COX10: variants seen among roughly 807,000 people sequenced by gnomAD.
The protein encoded by COX10 is cytochrome c oxidase assembly factor heme A:farnesyltransferase COX10, also known as protoheme IX farnesyltransferase, mitochondrial.
A neutral mutation model predicts 37.3 loss-of-function variants in COX10; 27 were observed. That is an observed-to-expected ratio of 0.72 (90% CI 0.53 to 1.00). COX10 has a LOEUF of 1.00. Among genes scored for constraint, COX10 ranks in the 50% least tolerant of loss-of-function variants. The probability of loss-of-function intolerance (pLI) is 0.00; values close to 1 mark genes in which losing one functional copy is unlikely to be tolerated. For missense variants in COX10, 475 were observed against 563.2 expected (o/e 0.84, Z 1.59); for synonymous variants, 222 against 229.1 (o/e 0.97, Z 0.28).
At chr17:14,161,926 C>T (rs1905177798) in intron 5 of COX10, among the ~76,000 whole-genome samples, 1 of 152,212 alleles carries the variant, frequency 6.6e-6, no homozygotes, top group African/African-American at 2.4e-5. Flanking sequence ...TATCTATATA[C>T]ACATCCTATT....
At chr17:14,097,949 T>C (rs1915686055) in intron 3 of COX10, among the ~76,000 whole-genome samples, 1 of 152,160 alleles carries the variant, frequency 6.6e-6, no homozygotes, top group Non-Finnish European at 1.5e-5. Flanking sequence ...CGTACTGTAT[T>C]GTTTACAGAA....
intron 5 of COX10, among the ~76,000 whole-genome samples, chr17:14,163,603 G>C (rs1224657463): frequency 2.0e-5 from 3 of 152,096 alleles, no homozygotes; most frequent in Non-Finnish European, 4.4e-5. Context: ...TCAAATCATA[G>C]AAGAGTTTCA....
At chr17:14,153,726 TATATG>T (rs1306225111) in intron 4 of COX10, among the ~76,000 whole-genome samples, 1 of 152,218 alleles carries the variant, frequency 6.6e-6, no homozygotes, top group Non-Finnish European at 1.5e-5. Flanking sequence ...ACACCTCAAC[TATATG>T]ATATATGTGT....
chr17:14,203,891 G>A (rs982492106), intron 6 of COX10, among the ~76,000 whole-genome samples: 2 of 152,128 alleles, frequency 1.3e-5, no homozygotes, highest in African/African-American at 4.8e-5. Context: ...TGGGCAGGAT[G>A]GTGCTTTCCA....
intron 5 of COX10, among the ~76,000 whole-genome samples, chr17:14,164,932 GA>G (rs1227010979): frequency 6.6e-6 from 1 of 152,156 alleles, no homozygotes; most frequent in Non-Finnish European, 1.5e-5. Flanking sequence ...AATATGGGCT[GA>G]AGGTCAAATG....
chr17:14,166,143 C>A (rs970789357), intron 5 of COX10, among the ~76,000 whole-genome samples: 1 of 152,196 alleles, frequency 6.6e-6, no homozygotes, highest in Non-Finnish European at 1.5e-5. Context: ...GGTGGCCACA[C>A]TGAACAATAG....
chr17:14,162,376 A>G (rs1426224979), intron 5 of COX10, among the ~76,000 whole-genome samples: 3 of 152,176 alleles, frequency 2.0e-5, no homozygotes, highest in African/African-American at 7.2e-5. Flanking sequence ...TTTGCCTTCA[A>G]AAAAATGCCC....
chr17:14,135,476 T>C (rs1458135666), intron 4 of COX10, among the ~76,000 whole-genome samples: 1 of 151,834 alleles, frequency 6.6e-6, no homozygotes, highest in African/African-American at 2.4e-5. Flanking sequence ...TTGTCTCCAC[T>C]CCCGGATATT....
intron 4 of COX10, among the ~76,000 whole-genome samples, chr17:14,121,882 CG>C (rs1301291873): frequency 1.3e-5 from 2 of 151,890 alleles, no homozygotes; most frequent in Non-Finnish European, 2.9e-5. Context: ...GGATTTTAGT[CG>C]AAGAAATAAC....
At chr17:14,073,768 G>A (rs1366230292) in intron 1 of COX10, among the ~76,000 whole-genome samples, 1 of 152,124 alleles carries the variant, frequency 6.6e-6, no homozygotes, top group East Asian at 1.9e-4. Context: ...AGAAGCATTG[G>A]ATTTGTTGAT....
At chr17:14,106,777 G>GT (rs937209582) in intron 4 of COX10, among the ~76,000 whole-genome samples, 1 of 152,052 alleles carries the variant, frequency 6.6e-6, no homozygotes, top group African/African-American at 2.4e-5. Flanking sequence ...CCATTTAGGG[G>GT]TTTTTTGGTC....
intron 5 of COX10, among the ~76,000 whole-genome samples, chr17:14,167,809 T>A (rs1905334553): frequency 6.6e-6 from 1 of 152,078 alleles, no homozygotes. Flanking sequence ...TCCCAGCAGG[T>A]CCCTCCCTCG....
chr17:14,143,868 T>A (rs1239592425), intron 4 of COX10, among the ~76,000 whole-genome samples: 1 of 152,142 alleles, frequency 6.6e-6, no homozygotes, highest in Non-Finnish European at 1.5e-5. Flanking sequence ...AGAGTCTTGC[T>A]TTTGCTGATG....
intron 6 of COX10, 27 bp downstream of exon 6, chr17:14,192,248 A>G (rs377709338): frequency 1.2e-6 from 2 of 1,614,128 alleles, no homozygotes; most frequent in South Asian, 1.1e-5. Flanking sequence ...GTGGAGTCTC[A>G]TATGAGCACA....
intron 6 of COX10, among the ~76,000 whole-genome samples, chr17:14,199,911 C>G (rs112530605): frequency 6.6e-5 from 10 of 152,296 alleles, no homozygotes; most frequent in African/African-American, 2.2e-4. Flanking sequence ...TACATAACCA[C>G]ATAACCCTAA....
intron 5 of COX10, among the ~76,000 whole-genome samples, chr17:14,169,820 G>C (rs1905405189): frequency 6.6e-6 from 1 of 152,210 alleles, no homozygotes; most frequent in Non-Finnish European, 1.5e-5. Context: ...TGTGTTGAAA[G>C]TTGATCCCTA....
chr17:14,109,114 T>G (rs1199050758), intron 4 of COX10, among the ~76,000 whole-genome samples: 1 of 152,204 alleles, frequency 6.6e-6, no homozygotes, highest in Non-Finnish European at 1.5e-5. Context: ...CAGTGGTCTC[T>G]GAAGTTGATA....
chr17:14,077,943 T>C (rs963723483), intron 3 of COX10, among the ~76,000 whole-genome samples: 12 of 101,976 alleles, frequency 1.2e-4, no homozygotes, highest in Non-Finnish European at 2.0e-4. Context: ...TTTTTTTTTT[T>C]AAAGAGACTT....
intron 5 of COX10, 124 bp downstream of exon 5, chr17:14,160,071 A>ATT: frequency 2.3e-6 from 2 of 873,402 alleles, no homozygotes; most frequent in Non-Finnish European, 3.7e-6. Context: ...AAAGAAACAA[A>ATT]GTGATATGGA....
Sources: gnomAD v4.1 joint callset for allele counts (sites outside exome capture counted in the v4.1 genomes callset) on GRCh38, gnomAD v4.1.1 for gene constraint, MANE v1.5 for transcripts, NCBI Gene and HGNC (gene_info 2026-07-23, HGNC 2026-07-21) for gene names.